The following NRROS variants were observed in gnomAD, a reference collection of about 807,000 sequenced individuals.
The protein encoded by NRROS is transforming growth factor beta activator LRRC33.
Under a neutral mutation model 12.0 loss-of-function variants are expected in NRROS, and 6 were observed. The ratio of observed to expected loss-of-function variants is 0.50; its 90% CI spans 0.27 to 0.98. NRROS has a LOEUF of 0.98. Among genes scored for constraint, NRROS ranks in the 50% least tolerant of loss-of-function variants. NRROS has a pLI of 0.11. For synonymous variants in NRROS, 462 were observed against 410.2 expected (o/e 1.13, Z -1.53); for missense variants, 857 against 888.2 (o/e 0.96, Z 0.45).
chr3:196,657,476 C>T (rs1188935261), intron 2 of NRROS, among the ~76,000 whole-genome samples: 1 of 151,962 alleles, frequency 6.6e-6, no homozygotes, highest in Non-Finnish European at 1.5e-5. Context: ...AATCCCAGCA[C>T]TTGGGGAGGC....
Position 196,661,453 on chromosome 3 carries a change from TG to T in NRROS, c.1816del (p.Ala606ProfsTer25). 1.3e-6 allele frequency: 2 copies of T among 1,596,290 alleles called. No individual in the cohort carries two copies. The highest frequency in any genetic ancestry group is 1.1e-5 in the South Asian group (1 of 88,244). ...ATATGACTGCTGTGGGGTGGATGGCTGGGGGGCCCTGCAGCATGGGCAGACG... is the reference window on the plus strand; with the variant it reads ...ATATGACTGCTGTGGGGTGGATGGCTGGGGGCCCTGCAGCATGGGCAGACG... ...NPYDCCGVDG[W>X]GALQHGQTVA... On this transcript the variant is annotated frameshift_variant, in exon 3 of 3. Coordinates refer to ENST00000328557, the MANE Select transcript of NRROS (RefSeq NM_198565.3). LOFTEE classifies it high-confidence loss of function.
chr3:196,651,691 G>T (rs139084499), intron 1 of NRROS, among the ~76,000 whole-genome samples: 4 of 152,100 alleles, frequency 2.6e-5, no homozygotes, highest in Admixed American at 1.3e-4. Context: ...TGTTGAACCC[G>T]GGAGGTGGAG....
chr3:196,661,157 C>G lies in NRROS; in HGVS notation c.1514C>G (p.Pro505Arg). Reference protein sequence around the residue: ...NWGVLNGSLAPLQDVAPMLQV... With the variant: ...NWGVLNGSLARLQDVAPMLQV... ...GGGGTTCTGAATGGGAGCCTCGCCCCACTCCAGGATGTTGCCCCCATGTTA... is the reference window on the plus strand; with the variant it reads ...GGGGTTCTGAATGGGAGCCTCGCCCGACTCCAGGATGTTGCCCCCATGTTA... Residue 505 changes from proline to arginine, a missense_variant, in exon 3 of 3, where the codon CCA (proline) becomes CGA (arginine). Physicochemically the swap from Pro to Arg is moderately radical, Grantham distance 103. Coordinates refer to ENST00000328557, the MANE Select transcript of NRROS (RefSeq NM_198565.3). 1 of 1,612,496 alleles carries G rather than the reference C, an allele frequency of 6.2e-7. No homozygotes were observed. The highest frequency in any genetic ancestry group is 8.5e-7 in the Non-Finnish European group (1 of 1,178,926).
At chr3:196,652,072 C>A (rs528327278) in intron 1 of NRROS, among the ~76,000 whole-genome samples, 13 of 152,224 alleles carry the variant, frequency 8.5e-5, no homozygotes, top group Non-Finnish European at 5.9e-5. Flanking sequence ...GAAGGCGCAG[C>A]TCTGGGGACA....
chr3:196,645,679 C>T (rs1387086562), intron 1 of NRROS, among the ~76,000 whole-genome samples: 1 of 152,130 alleles, frequency 6.6e-6, no homozygotes, highest in Non-Finnish European at 1.5e-5. Context: ...TTCAATCGTA[C>T]ACTTTCTCAA....
chr3:196,661,218 C>T lies in NRROS; in HGVS notation c.1575C>T (p.Ser525=). 1.2e-6 allele frequency: 2 copies of T among 1,613,956 alleles called. No homozygotes were observed. The highest frequency in any genetic ancestry group is 2.2e-5 in the East Asian group (1 of 44,866). ...CTCTCAGGAACATGGGCCTCCACTC[C>T]AGCTTTATGGCGTTGGACTTCTCTG... ...VLSLRNMGLH[S]SFMALDFSGF... Residue 525 remains serine, a synonymous_variant, in exon 3 of 3, where the codon TCC becomes TCT. Transcript: ENST00000328557.
At chr3:196,644,051 C>T (rs549348925) in intron 1 of NRROS, among the ~76,000 whole-genome samples, 2 of 152,320 alleles carry the variant, frequency 1.3e-5, no homozygotes, top group South Asian at 2.1e-4. Flanking sequence ...GGGCCTCGGC[C>T]GTTCTCTTGT....
At position 196,661,432 on chromosome 3, in the gene NRROS, G is replaced by A; in HGVS notation, c.1789G>A (p.Asp597Asn). ...RTIYLSQNPYDCCGVDGWGAL... is the reference protein window; with the variant it reads ...RTIYLSQNPYNCCGVDGWGAL... ...CATCTACCTCAGTCAGAATCCATATGACTGCTGTGGGGTGGATGGCTGGGG... is the reference window on the plus strand; with the variant it reads ...CATCTACCTCAGTCAGAATCCATATAACTGCTGTGGGGTGGATGGCTGGGG... Residue 597 changes from aspartate (D) to asparagine (N), a missense_variant, in exon 3 of 3, where the codon GAC becomes AAC. Coordinates refer to ENST00000328557, the MANE Select transcript of NRROS (RefSeq NM_198565.3). The A allele has an allele frequency of 1.3e-6, 2 of 1,585,354 alleles. No homozygotes were observed. The highest frequency in any genetic ancestry group is 1.7e-6 in the Non-Finnish European group (2 of 1,163,304).
At chr3:196,657,565 G>C (rs752180382) in intron 2 of NRROS, among the ~76,000 whole-genome samples, 1 of 151,996 alleles carries the variant, frequency 6.6e-6, no homozygotes. Flanking sequence ...AAATTAGCCC[G>C]GTGTGGTGGT....
rs752867792 is a variant in NRROS, at chr3:196,660,148, A to G, written c.505A>G (p.Ile169Val). Residue 169 changes from isoleucine to valine, a missense_variant, in exon 3 of 3, where the codon ATC becomes GTC. Transcript: ENST00000328557. This position sits in a 1 kb window ranked among gnomAD's most constrained non-coding sequence, Gnocchi z 7.7. ...GTCCGTGTCCCTGGCGGGGAACACC[A>G]TCATGCGGCTGGACGACTCCGTCTT... ...LRSVSLAGNT[I>V]MRLDDSVFEG... is the part of the protein sequence containing the mutation. 1.4e-5 allele frequency: 23 copies of G among 1,613,076 alleles called. No individual in the cohort carries two copies. Among genetic ancestry groups the G allele is most frequent in the South Asian group, 2.2e-5 (2 of 91,074 alleles).
chr3:196,640,169 C>T (rs1737181501), intron 1 of NRROS, among the ~76,000 whole-genome samples: 1 of 152,214 alleles, frequency 6.6e-6, no homozygotes, highest in Non-Finnish European at 1.5e-5. Context: ...GGGTTTGAGT[C>T]CTGGCTCTGC....
In NRROS at chr3:196,659,015, A is replaced by G. The variant is rs568240589; in HGVS notation, c.109-737A>G. Among the ~76,000 whole-genome samples, 9 of 152,324 alleles carry G rather than the reference A, an allele frequency of 5.9e-5. No individual in the cohort carries two copies. The South Asian group carries it at 6.2e-4, about 11-fold the overall frequency. On this transcript the variant is annotated intron_variant, in intron 2 of 2. Coordinates refer to ENST00000328557, the MANE Select transcript of NRROS (RefSeq NM_198565.3). ...AACCATTTTTGTCCTAGACACCTAAATAACATCCTATGGCTGATGGTTGTT... is the reference window on the plus strand; with the variant it reads ...AACCATTTTTGTCCTAGACACCTAAGTAACATCCTATGGCTGATGGTTGTT...
chr3:196,657,707 CAA>C (rs11403911), intron 2 of NRROS, among the ~76,000 whole-genome samples: 14 of 123,128 alleles, frequency 1.1e-4, no homozygotes, highest in Middle Eastern at 4.3e-3. Flanking sequence ...GACTCTGTCT[CAA>C]AAAAAAAAAA....
At position 196,645,608 on chromosome 3, in the gene NRROS, C is replaced by T. The variant is rs565657610; in HGVS notation, c.-14+5733C>T. On this transcript the variant is annotated intron_variant, in intron 1 of 2. Coordinates refer to ENST00000328557, the MANE Select transcript of NRROS (RefSeq NM_198565.3). ...AATCTGGGAGTGATTATGCAGACCT[C>T]GAACACCACTGAATTGACCTTTGAA... Among the ~76,000 whole-genome samples, 32 of 152,244 alleles carry T rather than the reference C, an allele frequency of 2.1e-4. 1 individual carries two copies. The highest frequency in any genetic ancestry group is 6.2e-4 in the South Asian group (3 of 4,822).
At chr3:196,648,339 C>A (rs374512931) in intron 1 of NRROS, among the ~76,000 whole-genome samples, 1 of 152,160 alleles carries the variant, frequency 6.6e-6, no homozygotes, top group African/African-American at 2.4e-5. Context: ...ACAATAGAGG[C>A]GATGTCTTAC....
chr3:196,642,798 G>A (rs1418069617), intron 1 of NRROS, among the ~76,000 whole-genome samples: 4 of 152,146 alleles, frequency 2.6e-5, no homozygotes, highest in South Asian at 2.1e-4. Context: ...TCGGCCGGGC[G>A]CGGTGGCTCA....
chr3:196,660,797 A>G lies in NRROS; in HGVS notation c.1154A>G (p.His385Arg). 1.9e-6 allele frequency: 3 copies of G among 1,613,766 alleles called. No homozygotes were observed. Among genetic ancestry groups the G allele is most frequent in the African/African-American group, 2.7e-5 (2 of 75,074 alleles). Residue 385 changes from histidine to arginine, a missense_variant, in exon 3 of 3, where the codon CAC (histidine) becomes CGC (arginine). Physicochemically the swap from His to Arg is conservative, Grantham distance 29. Coordinates refer to ENST00000328557, the MANE Select transcript of NRROS (RefSeq NM_198565.3). The surrounding 1 kb of genome is among the most constrained non-coding windows in gnomAD (Gnocchi z 7.7). Reference protein sequence around the residue: ...PGALTELDLSHNQLSELHLAP... With the variant: ...PGALTELDLSRNQLSELHLAP... ...GCGCTCACCGAGCTGGACCTGAGCCACAACCAGCTGTCGGAGCTGCACCTG... is the reference window on the plus strand; with the variant it reads ...GCGCTCACCGAGCTGGACCTGAGCCGCAACCAGCTGTCGGAGCTGCACCTG...
intron 2 of NRROS, among the ~76,000 whole-genome samples, chr3:196,655,762 C>T (rs1408131105): frequency 6.6e-6 from 1 of 152,192 alleles, no homozygotes; most frequent in Non-Finnish European, 1.5e-5. Context: ...CGTGGATACC[C>T]AAGCCTCCTC....
Position 196,660,252 on chromosome 3 carries a change from C to A in NRROS, c.609C>A (p.Gly203=). ...AGATCGAGGGCGGCGCTTTCGACGG[C>A]CTGGCTGAGCTGAGGCACCTCAACC... is the stretch of plus-strand genomic sequence containing the variant. ...IFEIEGGAFD[G]LAELRHLNLA... is the part of the protein sequence containing the mutation. Residue 203 remains glycine, a synonymous_variant, in exon 3 of 3, where the codon GGC becomes GGA. Transcript: ENST00000328557. This position sits in a 1 kb window ranked among gnomAD's most constrained non-coding sequence, Gnocchi z 7.7. The A allele has an allele frequency of 6.2e-7, 1 of 1,613,840 alleles. No homozygotes were observed. Among genetic ancestry groups the A allele is most frequent in the Non-Finnish European group, 8.5e-7 (1 of 1,180,044 alleles).
Sources: allele counts gnomAD v4.1 joint callset (sites outside exome capture counted in the v4.1 genomes callset), GRCh38; gene constraint gnomAD v4.1.1; non-coding constraint Gnocchi (gnomAD v3.1); transcripts MANE v1.5; gene names NCBI Gene and HGNC (gene_info 2026-07-23, HGNC 2026-07-21).